Variants in KIF1B observed in about 807,000 individuals in gnomAD.
The protein encoded by KIF1B is kinesin-like protein KIF1B.
In KIF1B, 76 loss-of-function variants were observed where a neutral mutation model predicts 241.9. That is an observed-to-expected ratio of 0.31 (90% confidence interval 0.26 to 0.38). The LOEUF is 0.38. Among genes scored for constraint, KIF1B ranks in the 10% least tolerant of loss-of-function variants. The pLI, the probability that KIF1B is intolerant of heterozygous loss-of-function variation, is 1.00. For missense variants in KIF1B, 1,622 were observed against 2,271.4 expected (o/e 0.71, Z 5.81); for synonymous variants, 750 against 796.7 (o/e 0.94, Z 0.99).
intron 15 of KIF1B, among the ~76,000 whole-genome samples, chr1:10,289,322 T>C (rs966208971): frequency 6.6e-6 from 1 of 152,186 alleles, no homozygotes; most frequent in Non-Finnish European, 1.5e-5. Context: ...ACTGTATTCG[T>C]TCTCAGTCCT....
intron 1 of KIF1B, among the ~76,000 whole-genome samples, chr1:10,223,571 G>A (rs1311901207): frequency 5.6e-5 from 8 of 143,162 alleles, no homozygotes; most frequent in Admixed American, 2.1e-4. Flanking sequence ...TTTTTTAGAC[G>A]GAGTCTTACT....
At chr1:10,236,972 G>A (rs1235652442) in intron 2 of KIF1B, among the ~76,000 whole-genome samples, 1 of 152,096 alleles carries the variant, frequency 6.6e-6, no homozygotes, top group Non-Finnish European at 1.5e-5. Flanking sequence ...GGCCTGGACT[G>A]TTGCTCACAA....
intron 38 of KIF1B, among the ~76,000 whole-genome samples, chr1:10,354,344 T>G (rs1652902262): frequency 6.6e-6 from 1 of 152,352 alleles, no homozygotes; most frequent in South Asian, 2.1e-4. Flanking sequence ...ATTGTCTTTC[T>G]TGCAAAACCA....
intron 29 of KIF1B, 128 bp from the exon 30 acceptor site, chr1:10,336,942 TCAGA>T (rs1652202264): frequency 1.6e-6 from 2 of 1,283,006 alleles, no homozygotes; most frequent in Non-Finnish European, 2.3e-6. Flanking sequence ...TTGCCTTTCC[TCAGA>T]CAGCCCTCAG....
At chr1:10,308,077 G>A in intron 22 of KIF1B, 1 of 1,059,558 alleles carries the variant, frequency 9.4e-7, no homozygotes, top group Non-Finnish European at 1.1e-6. Context: ...ATTAAAGGCT[G>A]TTTTACTACC....
At position 10,380,825 on chromosome 1, in the gene KIF1B, G is replaced by T. The variant is rs544754092; in HGVS notation, c.*4238G>T. ...ACCAGGGCCAGTGATTCACCCCAGT[G>T]TGTGGCCAGACCATGACTGTGTAGC... On this transcript the variant is annotated 3_prime_UTR_variant, in exon 49 of 49. Coordinates refer to ENST00000676179, the MANE Select transcript of KIF1B (RefSeq NM_001365951.3). 37 of 220,394 alleles carry T rather than the reference G, an allele frequency of 1.7e-4. No homozygotes were observed. Among genetic ancestry groups the T allele is most frequent in the Non-Finnish European group, 2.9e-4 (32 of 109,750 alleles). The allele number at this position is 220,394 out of a possible 1,614,324, so 13.7% of individuals were successfully genotyped here.
chr1:10,343,213 T>C lies in KIF1B; in HGVS notation c.3633-19T>C, dbSNP rs925326566. 6.2e-7 allele frequency: 1 copy of C among 1,613,806 alleles called. No individual in the cohort carries two copies. Among genetic ancestry groups the C allele is most frequent in the African/African-American group, 1.3e-5 (1 of 74,932 alleles). On this transcript the variant is annotated intron_variant, in intron 33 of 48. Coordinates refer to ENST00000676179, the MANE Select transcript of KIF1B (RefSeq NM_001365951.3). Reference sequence around the variant, plus strand: ...AATAACTCTTTATAGTCTTGATCTTTGTCTTCCTTTCTTTGCAGTCCGCCT... The same window carrying C: ...AATAACTCTTTATAGTCTTGATCTTCGTCTTCCTTTCTTTGCAGTCCGCCT...
chr1:10,238,609 G>A (rs921160777), intron 2 of KIF1B, among the ~76,000 whole-genome samples: 1 of 151,864 alleles, frequency 6.6e-6, no homozygotes, highest in Admixed American at 6.6e-5. Flanking sequence ...AGAGCTTGAG[G>A]TGGGAAGATT....
chr1:10,239,746 T>C (rs1164486782), intron 2 of KIF1B, among the ~76,000 whole-genome samples: 3 of 152,016 alleles, frequency 2.0e-5, no homozygotes, highest in Admixed American at 6.6e-5. Flanking sequence ...TAGTGAAGAC[T>C]ACAGGCGCCC....
chr1:10,242,890 T>C (rs937372562), intron 2 of KIF1B, among the ~76,000 whole-genome samples: 1 of 152,176 alleles, frequency 6.6e-6, no homozygotes, highest in African/African-American at 2.4e-5. Flanking sequence ...CAGGTTGTTA[T>C]GTGGTGCATG....
intron 24 of KIF1B, 84 bp downstream of exon 24, chr1:10,321,941 T>C: frequency 6.7e-7 from 1 of 1,502,292 alleles, no homozygotes; most frequent in Admixed American, 1.8e-5. Flanking sequence ...TGAATTAACC[T>C]TTCCTTTGGG....
chr1:10,324,953 A>C, intron 26 of KIF1B, 58 bp downstream of exon 26: 1 of 1,592,080 alleles, frequency 6.3e-7, no homozygotes, highest in Non-Finnish European at 8.6e-7. Context: ...TTAAGTGTTT[A>C]AAACCTGAGC....
At chr1:10,332,394 A>C (rs1024057588) in intron 27 of KIF1B, among the ~76,000 whole-genome samples, 11 of 150,580 alleles carry the variant, frequency 7.3e-5, no homozygotes, top group African/African-American at 2.7e-4. Flanking sequence ...GCCCATTCAG[A>C]GTCTCCTCTA....
chr1:10,364,285 AC>A (rs1462509694), intron 41 of KIF1B, among the ~76,000 whole-genome samples: 1 of 149,586 alleles, frequency 6.7e-6, no homozygotes, highest in Admixed American at 6.7e-5. Context: ...GCTCACTGCA[AC>A]CTCTGCCTCC....
At chr1:10,282,241 AT>A in intron 14 of KIF1B, 80 bp from the exon 15 acceptor site, 1 of 1,044,126 alleles carries the variant, frequency 9.6e-7, no homozygotes. Context: ...TTACAACGAT[AT>A]TCCTTCCTGT....
chr1:10,215,795 C>T (rs1275672886), intron 1 of KIF1B, among the ~76,000 whole-genome samples: 1 of 152,098 alleles, frequency 6.6e-6, no homozygotes, highest in Non-Finnish European at 1.5e-5. Context: ...TCAAGTGATC[C>T]ACCTCAGTCT....
At chr1:10,304,507 C>T (rs1650724953) in intron 22 of KIF1B, 2 of 1,612,582 alleles carry the variant, frequency 1.2e-6, no homozygotes, top group Non-Finnish European at 1.7e-6. Flanking sequence ...CACTGGAGGT[C>T]AGTTAGAGGG....
chr1:10,226,802 A>G (rs1401711929), intron 1 of KIF1B, among the ~76,000 whole-genome samples: 1 of 151,970 alleles, frequency 6.6e-6, no homozygotes, highest in Non-Finnish European at 1.5e-5. Context: ...CCCCGTCCCT[A>G]CTAAAAATAC....
chr1:10,313,021 A>G (rs1569800067), intron 22 of KIF1B, among the ~76,000 whole-genome samples: 1 of 151,484 alleles, frequency 6.6e-6, no homozygotes, highest in South Asian at 2.1e-4. Context: ...TCTCTTTAAC[A>G]TGAGGCTAAC....
Sources: gnomAD v4.1 joint callset for allele counts (sites outside exome capture counted in the v4.1 genomes callset) on GRCh38, gnomAD v4.1.1 for gene constraint, MANE v1.5 for transcripts, NCBI Gene and HGNC (gene_info 2026-07-23, HGNC 2026-07-21) for gene names.